The following TMEM108 variants were observed in gnomAD, a reference collection of about 807,000 sequenced individuals.
TMEM108 encodes the protein transmembrane protein 108.
A neutral mutation model predicts 35.1 loss-of-function variants in TMEM108; 12 were observed. That is an observed-to-expected ratio of 0.34 (90% confidence interval 0.22 to 0.55). The LOEUF (loss-of-function observed/expected upper bound fraction) is 0.55. Ranked by LOEUF, TMEM108 falls within the 20% of genes least tolerant of loss-of-function variation. The probability of loss-of-function intolerance (pLI) is 0.89; values close to 1 mark genes in which losing one functional copy is unlikely to be tolerated. For synonymous variants in TMEM108, 287 were observed against 308.6 expected (o/e 0.93, Z 0.73); for missense variants, 680 against 753.3 (o/e 0.90, Z 1.14).
At chr3:133,223,844 A>G (rs970719584) in intron 2 of TMEM108, among the ~76,000 whole-genome samples, 1 of 152,252 alleles carries the variant, frequency 6.6e-6, no homozygotes, top group Non-Finnish European at 1.5e-5. Context: ...AGGACTGTAG[A>G]ACTTAAAGAA....
intron 2 of TMEM108, among the ~76,000 whole-genome samples, chr3:133,198,059 T>C (rs978235274): frequency 2.0e-5 from 3 of 152,216 alleles, no homozygotes; most frequent in African/African-American, 4.8e-5. Flanking sequence ...AGATGTAGTT[T>C]CCAGGCGTCA....
chr3:133,072,601 G>A (rs116323588), intron 2 of TMEM108, among the ~76,000 whole-genome samples: 2,549 of 152,084 alleles, frequency 0.017, 86 homozygotes, highest in African/African-American at 0.058. Flanking sequence ...GCTCTTTACC[G>A]CATACCTTAT....
At position 133,307,484 on chromosome 3, in the gene TMEM108, C is replaced by A. The variant is rs1421668979; in HGVS notation, c.41-72268C>A. Among the ~76,000 whole-genome samples, 4 of 152,076 alleles carry A rather than the reference C, an allele frequency of 2.6e-5. No homozygotes were observed. The East Asian group carries it at 7.7e-4, about 29-fold the overall frequency. ...TGAATGGTATTGCCTAGTTTTTCTT[C>A]TAGGGTTTTTATGGTTTTAGGTCTA... On this transcript the variant is annotated intron_variant, in intron 3 of 5. Transcript: ENST00000321871.
At chr3:133,316,175 GATAA>G (rs2071196328) in intron 3 of TMEM108, among the ~76,000 whole-genome samples, 1 of 152,136 alleles carries the variant, frequency 6.6e-6, no homozygotes, top group African/African-American at 2.4e-5. Context: ...GGAAGAGGGA[GATAA>G]ATAAACATGA....
In TMEM108 at chr3:133,181,698, CA is replaced by C. The variant is rs199568349; in HGVS notation, c.-46-47567del. On this transcript the variant is annotated intron_variant, in intron 2 of 5. Transcript: ENST00000321871. ...TGCTCCAAGAAAATTAAAATTTTAG[CA>C]GACGAGATTCAGAAGCACAAATTTT... 6.4e-3 allele frequency among the ~76,000 whole-genome samples: 971 copies of C among 152,208 alleles called. 19 individuals carry two copies. The highest frequency in any genetic ancestry group is 0.023 in the African/African-American group (950 of 41,536).
At chr3:133,181,008 T>TTAAAAAA (rs1342312044) in intron 2 of TMEM108, among the ~76,000 whole-genome samples, 3 of 75,866 alleles carry the variant, frequency 4.0e-5, no homozygotes, top group African/African-American at 1.0e-4. Flanking sequence ...GCAGTTGTGT[T>TTAAAAAA]AAAAAAAAAA....
chr3:133,286,120 T>C (rs1380797332), intron 3 of TMEM108, among the ~76,000 whole-genome samples: 1 of 152,172 alleles, frequency 6.6e-6, no homozygotes, highest in African/African-American at 2.4e-5. Context: ...AATTAATAAA[T>C]GAAATATCAA....
chr3:133,053,309 G>A (rs1943428622), intron 2 of TMEM108, among the ~76,000 whole-genome samples: 1 of 152,140 alleles, frequency 6.6e-6, no homozygotes, highest in Non-Finnish European at 1.5e-5. Flanking sequence ...TCTACTGAGG[G>A]AAAAATCAAT....
chr3:133,255,754 C>T (rs1047216176), intron 3 of TMEM108, among the ~76,000 whole-genome samples: 7 of 152,092 alleles, frequency 4.6e-5, no homozygotes, highest in African/African-American at 1.4e-4. Context: ...TTTGGGTGGC[C>T]GAGGTGGATA....
chr3:133,307,516 A>C (rs905630085), intron 3 of TMEM108, among the ~76,000 whole-genome samples: 26 of 152,152 alleles, frequency 1.7e-4, no homozygotes, highest in Non-Finnish European at 3.5e-4. Context: ...TCTAACATTT[A>C]AGTCTTTAGT....
intron 3 of TMEM108, among the ~76,000 whole-genome samples, chr3:133,298,421 T>C (rs1037550481): frequency 9.9e-5 from 15 of 152,122 alleles, no homozygotes; most frequent in Non-Finnish European, 2.1e-4. Flanking sequence ...CCAATACAAC[T>C]ATGTTTATTT....
intron 2 of TMEM108, among the ~76,000 whole-genome samples, chr3:133,093,576 C>G (rs1943975036): frequency 6.6e-6 from 1 of 152,176 alleles, no homozygotes; most frequent in African/African-American, 2.4e-5. Flanking sequence ...AGCATTACAT[C>G]AGATCTAAAA....
chr3:133,249,907 A>T (rs796963130), intron 3 of TMEM108, among the ~76,000 whole-genome samples: 5 of 152,322 alleles, frequency 3.3e-5, no homozygotes, highest in African/African-American at 1.2e-4. Flanking sequence ...CATTTTTAAT[A>T]AGAAAAGGAA....
chr3:133,306,529 A>G (rs1485767511), intron 3 of TMEM108, among the ~76,000 whole-genome samples: 3 of 151,970 alleles, frequency 2.0e-5, no homozygotes, highest in Non-Finnish European at 4.4e-5. Flanking sequence ...CCCCCACTCA[A>G]TGACAGTTCC....
At chr3:133,210,163 A>G (rs972144343) in intron 2 of TMEM108, among the ~76,000 whole-genome samples, 3 of 152,220 alleles carry the variant, frequency 2.0e-5, no homozygotes, top group Non-Finnish European at 4.4e-5. Flanking sequence ...AGGGAAGAGA[A>G]TAAGTGGGCC....
intron 3 of TMEM108, among the ~76,000 whole-genome samples, chr3:133,363,504 C>T (rs1278602120): frequency 6.6e-5 from 10 of 151,868 alleles, no homozygotes; most frequent in Non-Finnish European, 1.5e-5. Context: ...CTCCTGGGCT[C>T]AAGCGATCCT....
intron 2 of TMEM108, among the ~76,000 whole-genome samples, chr3:133,064,992 T>G (rs1943578302): frequency 1.3e-5 from 2 of 152,172 alleles, no homozygotes; most frequent in South Asian, 4.1e-4. Context: ...AGTCCTGAGA[T>G]AGCAGGGTGA....
intron 3 of TMEM108, among the ~76,000 whole-genome samples, chr3:133,349,729 G>C (rs113128144): frequency 1.5e-4 from 23 of 152,158 alleles, no homozygotes; most frequent in African/African-American, 5.5e-4. Flanking sequence ...ACCACAATGA[G>C]ATACCATCTC....
chr3:133,105,666 A>G (rs1408304367), intron 2 of TMEM108, among the ~76,000 whole-genome samples: 7 of 152,174 alleles, frequency 4.6e-5, no homozygotes, highest in African/African-American at 1.4e-4. Context: ...ATTCTGCCTG[A>G]CACACTCTTA....
Sources: gnomAD v4.1 joint callset for allele counts (sites outside exome capture counted in the v4.1 genomes callset) on GRCh38, gnomAD v4.1.1 for gene constraint, MANE v1.5 for transcripts, NCBI Gene and HGNC (gene_info 2026-07-23, HGNC 2026-07-21) for gene names.